Variants in DOCK1 observed in about 807,000 individuals in gnomAD.
DOCK1 encodes dedicator of cytokinesis protein 1.
Under a neutral mutation model 262.7 loss-of-function variants are expected in DOCK1, and 138 were observed. The ratio of observed to expected loss-of-function variants is 0.53; its 90% CI spans 0.46 to 0.61. The LOEUF (loss-of-function observed/expected upper bound fraction) is 0.61. DOCK1 is among the 20% of genes least tolerant of loss of function. The pLI is 0.00. For synonymous variants in DOCK1, 866 were observed against 867.4 expected (o/e 1.00, Z 0.03); for missense variants, 1,908 against 2,370.7 (o/e 0.80, Z 4.05).
At chr10:127,432,272 T>G (rs2069344107) in intron 47 of DOCK1, among the ~76,000 whole-genome samples, 1 of 152,142 alleles carries the variant, frequency 6.6e-6, no homozygotes, top group South Asian at 2.1e-4. Flanking sequence ...TTATTTGGGA[T>G]CACATATTTA....
intron 24 of DOCK1, among the ~76,000 whole-genome samples, chr10:127,109,299 A>G (rs896536965): frequency 6.6e-6 from 1 of 152,158 alleles, no homozygotes; most frequent in African/African-American, 2.4e-5. Context: ...ATTTGTGTTT[A>G]TGTAGTTACT....
At chr10:127,280,963 AT>A (rs2060941605) in intron 29 of DOCK1, among the ~76,000 whole-genome samples, 1 of 152,016 alleles carries the variant, frequency 6.6e-6, no homozygotes, top group Admixed American at 6.5e-5. Context: ...CACCAACACT[AT>A]TTAGTTTAGC....
At chr10:127,258,338 GTTC>G (rs1249316623) in intron 29 of DOCK1, among the ~76,000 whole-genome samples, 2 of 151,988 alleles carry the variant, frequency 1.3e-5, no homozygotes, top group Non-Finnish European at 2.9e-5. Flanking sequence ...CCACTCATTC[GTTC>G]TTCATTTGTA....
chr10:126,965,403 C>T (rs2134603723), intron 1 of DOCK1, among the ~76,000 whole-genome samples: 1 of 152,218 alleles, frequency 6.6e-6, no homozygotes, highest in East Asian at 1.9e-4. Flanking sequence ...AATGAGCCAT[C>T]ATTCAGAATG....
At chr10:127,339,689 C>G (rs1021537777) in intron 30 of DOCK1, among the ~76,000 whole-genome samples, 2 of 65,252 alleles carry the variant, frequency 3.1e-5, no homozygotes, top group Non-Finnish European at 3.0e-5. Context: ...TTTTGCCTGG[C>G]CTGATTTGTG....
rs539033083 is a variant in DOCK1, at chr10:127,091,075, G to A, written c.2446-15156G>A. 3.3e-5 allele frequency among the ~76,000 whole-genome samples: 5 copies of A among 149,398 alleles called. No homozygotes were observed. In the East Asian group the frequency reaches 6.0e-4, roughly 18 times the overall value. ...CGGCTCACTGCAAGCTCTGCCTCCT[G>A]GGTTCACACCATTCTCCTGCCTCAG... On this transcript the variant is annotated intron_variant, in intron 23 of 51. Coordinates refer to ENST00000623213, the MANE Select transcript of DOCK1 (RefSeq NM_001290223.2).
intron 2 of DOCK1, 103 bp downstream of exon 2, chr10:126,970,888 C>T (rs2038056069): frequency 1.5e-6 from 2 of 1,302,756 alleles, no homozygotes; most frequent in Non-Finnish European, 2.1e-6. Context: ...ACACATAAGA[C>T]AGTCATGCTT....
chr10:127,413,419 G>C (rs1002621599), intron 43 of DOCK1, among the ~76,000 whole-genome samples: 1 of 152,208 alleles, frequency 6.6e-6, no homozygotes, highest in African/African-American at 2.4e-5. Context: ...CCTTAGATAA[G>C]TGCAACGTCT....
At chr10:127,379,634 T>A (rs2065718182) in intron 35 of DOCK1, among the ~76,000 whole-genome samples, 1 of 152,240 alleles carries the variant, frequency 6.6e-6, no homozygotes, top group Admixed American at 6.5e-5. Context: ...TGTATTATCA[T>A]ATTGTCTTTG....
intron 17 of DOCK1, 128 bp downstream of exon 17, chr10:127,031,881 A>G: frequency 1.1e-6 from 1 of 946,492 alleles, no homozygotes; most frequent in Admixed American, 2.6e-5. Context: ...AATTATGCAA[A>G]TGAACATTTC....
chr10:127,011,942 T>A (rs1345854935), intron 11 of DOCK1, among the ~76,000 whole-genome samples: 1 of 152,194 alleles, frequency 6.6e-6, no homozygotes, highest in African/African-American at 2.4e-5. Context: ...CAAGCTCCTT[T>A]TTTTAAACAC....
At chr10:127,311,869 T>A (rs1237384418) in intron 29 of DOCK1, among the ~76,000 whole-genome samples, 1 of 152,060 alleles carries the variant, frequency 6.6e-6, no homozygotes. Context: ...ATTTTTTTTA[T>A]TTTTATTTTT....
intron 23 of DOCK1, among the ~76,000 whole-genome samples, chr10:127,072,760 A>T (rs904815680): frequency 6.6e-6 from 1 of 152,172 alleles, no homozygotes; most frequent in African/African-American, 2.4e-5. Flanking sequence ...ATCTCTTAGG[A>T]TCCTCCCAGC....
chr10:127,083,524 A>T (rs1392633432), intron 23 of DOCK1, among the ~76,000 whole-genome samples: 1 of 152,256 alleles, frequency 6.6e-6, no homozygotes. Flanking sequence ...ACTGAACTTC[A>T]TAGTGAGGAA....
At chr10:127,168,062 G>T (rs2133790952) in intron 27 of DOCK1, among the ~76,000 whole-genome samples, 1 of 152,258 alleles carries the variant, frequency 6.6e-6, no homozygotes, top group East Asian at 1.9e-4. Flanking sequence ...TCAGCTGTTT[G>T]TTACAGAGAA....
chr10:127,004,007 A>G (rs1047014005), intron 10 of DOCK1, among the ~76,000 whole-genome samples: 1 of 151,784 alleles, frequency 6.6e-6, no homozygotes, highest in Non-Finnish European at 1.5e-5. Context: ...CTAATCCCAG[A>G]ACTTTAGGAG....
At position 127,444,151 on chromosome 10, in the gene DOCK1, C is replaced by G. The variant is rs201179287; in HGVS notation, c.5285C>G (p.Pro1762Arg). The G allele has an allele frequency of 3.2e-6, 5 of 1,577,504 alleles. No individual in the cohort carries two copies. Among genetic ancestry groups the G allele is most frequent in the Non-Finnish European group, 4.3e-6 (5 of 1,162,306 alleles). Residue 1762 changes from proline to arginine, a missense_variant, in exon 50 of 52, where the codon CCG (proline) becomes CGG (arginine). Pro to Arg is a moderately radical substitution (Grantham distance 103). Around this residue, in one of 9 missense-constraint regions of DOCK1, gnomAD observed 383 missense variants for 420.1 expected, o/e 0.91. Coordinates refer to ENST00000623213, the MANE Select transcript of DOCK1 (RefSeq NM_001290223.2). ...ETISPLRPQRPKSQVMNVIGS... is the reference protein window; with the variant it reads ...ETISPLRPQRRKSQVMNVIGS... ...ATAAGTCCCCTGCGGCCCCAGAGAC[C>G]GAAGAGCCAGGTGATGAACGTCATT...
At chr10:126,968,743 G>A (rs2037865590) in intron 1 of DOCK1, among the ~76,000 whole-genome samples, 1 of 152,174 alleles carries the variant, frequency 6.6e-6, no homozygotes, top group Non-Finnish European at 1.5e-5. Context: ...GTTCCTGAAG[G>A]TTTACGAATA....
At chr10:127,208,964 G>A (rs748052313) in intron 27 of DOCK1, among the ~76,000 whole-genome samples, 28 of 152,272 alleles carry the variant, frequency 1.8e-4, no homozygotes, top group Middle Eastern at 3.4e-3. Context: ...CCAAGTGGTC[G>A]TTAATACAGC....
Sources: allele counts gnomAD v4.1 joint callset (sites outside exome capture counted in the v4.1 genomes callset), GRCh38; gene constraint gnomAD v4.1.1; regional missense constraint gnomAD v4.1.1; transcripts MANE v1.5; gene names NCBI Gene and HGNC (gene_info 2026-07-23, HGNC 2026-07-21).